The following ACTR3 variants were observed in gnomAD, a reference collection of about 807,000 sequenced individuals.
ACTR3 encodes actin-related protein 3.
Under a neutral mutation model 56.8 loss-of-function variants are expected in ACTR3, and 12 were observed. The ratio of observed to expected loss-of-function variants is 0.21; its 90% CI spans 0.14 to 0.34. The LOEUF is 0.34. Ranked by LOEUF, ACTR3 falls within the 10% of genes least tolerant of loss-of-function variation. The probability of loss-of-function intolerance (pLI) is 1.00; values close to 1 mark genes in which losing one functional copy is unlikely to be tolerated. For missense variants in ACTR3, 282 were observed against 512.5 expected, an observed-to-expected ratio of 0.55 and a Z score of 4.34; for synonymous variants, 162 against 167.4, an observed-to-expected ratio of 0.97 and a Z score of 0.25.
chr2:113,892,600 TAA>T (rs1382224824), intron 1 of ACTR3, among the ~76,000 whole-genome samples: 1 of 152,222 alleles, frequency 6.6e-6, no homozygotes, highest in East Asian at 1.9e-4. Context: ...GACCCTGAGA[TAA>T]ACATCTCTAA....
chr2:113,945,556 C>G (rs1487341375), intron 8 of ACTR3, among the ~76,000 whole-genome samples: 1 of 152,186 alleles, frequency 6.6e-6, no homozygotes, highest in Admixed American at 6.5e-5. Flanking sequence ...CTGTTGTTCA[C>G]TTTTGAGGCA....
At chr2:113,903,112 A>G (rs1381598784) in intron 1 of ACTR3, among the ~76,000 whole-genome samples, 1 of 152,206 alleles carries the variant, frequency 6.6e-6, no homozygotes, top group Middle Eastern at 3.2e-3. Context: ...TATAACTGGA[A>G]ACTTGTATAC....
intron 9 of ACTR3, 64 bp from the exon 10 acceptor site, chr2:113,951,656 T>G: frequency 2.7e-6 from 4 of 1,466,110 alleles, no homozygotes; most frequent in Non-Finnish European, 3.7e-6. Context: ...AGCATTTCAG[T>G]ACTATATATT....
At chr2:113,942,847 A>G (rs1679949614) in intron 8 of ACTR3, among the ~76,000 whole-genome samples, 1 of 152,230 alleles carries the variant, frequency 6.6e-6, no homozygotes, top group South Asian at 2.1e-4. Flanking sequence ...TATTAAATTA[A>G]GAAATACATA....
At chr2:113,930,869 C>A (rs1051021493) in intron 4 of ACTR3, among the ~76,000 whole-genome samples, 2 of 152,160 alleles carry the variant, frequency 1.3e-5, no homozygotes, top group Non-Finnish European at 2.9e-5. Flanking sequence ...ATCCTATATA[C>A]TTCGGGGACA....
At chr2:113,916,831 T>A in intron 2 of ACTR3, 53 bp from the exon 3 acceptor site, 1 of 1,518,778 alleles carries the variant, frequency 6.6e-7, no homozygotes, top group East Asian at 2.3e-5. Context: ...AAGGTAAAAG[T>A]TTTTCTCATT....
At chr2:113,894,206 C>T (rs1176066716) in intron 1 of ACTR3, among the ~76,000 whole-genome samples, 1 of 151,902 alleles carries the variant, frequency 6.6e-6, no homozygotes, top group African/African-American at 2.4e-5. Flanking sequence ...TGATTTTCTG[C>T]CTCAGCCTCC....
chr2:113,932,721 A>T (rs1438874249), intron 5 of ACTR3, among the ~76,000 whole-genome samples: 1 of 152,188 alleles, frequency 6.6e-6, no homozygotes, highest in Non-Finnish European at 1.5e-5. Context: ...GAACTTACTT[A>T]TAGAGGAAGG....
intron 7 of ACTR3, among the ~76,000 whole-genome samples, chr2:113,940,494 A>G (rs1267913270): frequency 6.6e-6 from 1 of 152,134 alleles, no homozygotes. Flanking sequence ...GATACAATTG[A>G]TTCATTGTGC....
chr2:113,927,616 A>G (rs887798467), intron 4 of ACTR3, among the ~76,000 whole-genome samples, 161 bp downstream of exon 4: 25 of 152,192 alleles, frequency 1.6e-4, no homozygotes, highest in African/African-American at 6.0e-4. Context: ...AGTTATGGCT[A>G]CAGGAGAATA....
chr2:113,890,079 G>GCCTT (rs1429126997), upstream of ACTR3: 4 of 629,544 alleles, frequency 6.4e-6, no homozygotes, highest in Non-Finnish European at 1.1e-5. Context: ...GGGACTGCCT[G>GCCTT]CCTGCCTGGG....
intron 5 of ACTR3, among the ~76,000 whole-genome samples, chr2:113,933,376 G>T (rs1426500311): frequency 6.6e-6 from 1 of 152,074 alleles, no homozygotes; most frequent in African/African-American, 2.4e-5. Context: ...GGGTGTGGTG[G>T]TGGGCACCTG....
chr2:113,940,471 T>A (rs1679903906), intron 7 of ACTR3, among the ~76,000 whole-genome samples: 1 of 152,158 alleles, frequency 6.6e-6, no homozygotes, highest in African/African-American at 2.4e-5. Context: ...GCTTTTGTCA[T>A]AAAAATTATT....
chr2:113,901,052 G>A (rs1424179923), intron 1 of ACTR3, among the ~76,000 whole-genome samples: 5 of 152,246 alleles, frequency 3.3e-5, no homozygotes, highest in Non-Finnish European at 5.9e-5. Context: ...GGGCACGGTG[G>A]CTCATGCCTG....
chr2:113,945,096 TAGC>T (rs570883387), intron 8 of ACTR3, among the ~76,000 whole-genome samples: 9 of 152,188 alleles, frequency 5.9e-5, no homozygotes, highest in Non-Finnish European at 1.0e-4. Flanking sequence ...TGTGAATTGG[TAGC>T]AGAGGAGTGA....
chr2:113,907,749 G>C (rs1442443347), intron 1 of ACTR3, among the ~76,000 whole-genome samples: 2 of 152,008 alleles, frequency 1.3e-5, no homozygotes, highest in Non-Finnish European at 2.9e-5. Context: ...GAGGCTGGCT[G>C]ATCACCTGAG....
intron 1 of ACTR3, among the ~76,000 whole-genome samples, chr2:113,897,351 GA>G (rs953658873): frequency 3.3e-5 from 5 of 151,358 alleles, no homozygotes; most frequent in East Asian, 3.9e-4. Context: ...GCAAAAAAAA[GA>G]AAAAAAATTC....
At position 113,951,809 on chromosome 2, in the gene ACTR3, G is replaced by C; in HGVS notation, c.1041G>C (p.Leu347=). 1 of 1,613,592 alleles carries C rather than the reference G, an allele frequency of 6.2e-7. No homozygotes were observed. Among genetic ancestry groups the C allele is most frequent in the Non-Finnish European group, 8.5e-7 (1 of 1,179,576 alleles). Residue 347 remains leucine, a synonymous_variant, in exon 10 of 12, where the codon CTG becomes CTC. Transcript: ENST00000263238. ...TGAAAAGAACTGTAGATGCCCGGCT[G>C]AAATTAAGTGAGGAATTGAGTGGTG... is the stretch of plus-strand genomic sequence containing the variant. ...RDLKRTVDAR[L]KLSEELSGGR...
intron 2 of ACTR3, among the ~76,000 whole-genome samples, chr2:113,914,476 T>G (rs1679366445): frequency 6.6e-6 from 1 of 151,736 alleles, no homozygotes; most frequent in Non-Finnish European, 1.5e-5. Flanking sequence ...CCAGGCATGG[T>G]GGTGCACACC....
Sources: allele counts gnomAD v4.1 joint callset (sites outside exome capture counted in the v4.1 genomes callset), GRCh38; gene constraint gnomAD v4.1.1; transcripts MANE v1.5; gene names NCBI Gene and HGNC (gene_info 2026-07-23, HGNC 2026-07-21).